The following ACOX3 variants were observed in gnomAD, a reference collection of about 807,000 sequenced individuals.
ACOX3 encodes the protein acyl-CoA oxidase 3, pristanoyl.
Under a neutral mutation model 81.5 loss-of-function variants are expected in ACOX3, and 73 were observed. The observed-to-expected ratio is 0.90, with a 90% confidence interval of 0.74 to 1.09. The LOEUF is 1.09. ACOX3 is among the 50% of genes least tolerant of loss of function. The pLI, the probability that ACOX3 is intolerant of heterozygous loss-of-function variation, is 0.00. For synonymous variants in ACOX3, 387 were observed against 375.1 expected (o/e 1.03, Z -0.37); for missense variants, 947 against 928.0 (o/e 1.02, Z -0.27).
At chr4:8,398,474 T>C (rs959695257) in intron 8 of ACOX3, among the ~76,000 whole-genome samples, 1 of 152,142 alleles carries the variant, frequency 6.6e-6, no homozygotes, top group Non-Finnish European at 1.5e-5. Flanking sequence ...TTCTCTAAAC[T>C]TCATTTCTTT....
At position 8,419,265 on chromosome 4, in the gene ACOX3, C is replaced by G. The variant is rs933159158; in HGVS notation, c.-14-2730G>C. 7.2e-5 allele frequency among the ~76,000 whole-genome samples: 11 copies of G among 151,812 alleles called. No individual in the cohort carries two copies. Among genetic ancestry groups the G allele is most frequent in the African/African-American group, 2.7e-4 (11 of 41,302 alleles). On this transcript the variant is annotated intron_variant, in intron 1 of 17. Coordinates refer to ENST00000356406, the MANE Select transcript of ACOX3 (RefSeq NM_003501.3). The surrounding 1 kb of genome is among the most constrained non-coding windows in gnomAD (Gnocchi z 4.2). ...CCTGGCCAACATGGTGAAACCTCAT[C>G]TCTACTAAAAATACAAAAAAATTAG...
At position 8,419,391 on chromosome 4, in the gene ACOX3, G is replaced by A. The variant is rs1018201360; in HGVS notation, c.-14-2856C>T. Among the ~76,000 whole-genome samples the A allele has an allele frequency of 1.3e-5, 2 of 151,122 alleles. No individual in the cohort carries two copies. The highest frequency in any genetic ancestry group is 2.9e-5 in the Non-Finnish European group (2 of 67,856). Reference sequence around the variant, plus strand: ...CAGAGATTGCAGTAGCCTAGATTGCGCCACTGCACTCCAGCCTGGGTGACA... The same window carrying A: ...CAGAGATTGCAGTAGCCTAGATTGCACCACTGCACTCCAGCCTGGGTGACA... On this transcript the variant is annotated intron_variant, in intron 1 of 17. Transcript: ENST00000356406. This position sits in a 1 kb window ranked among gnomAD's most constrained non-coding sequence, Gnocchi z 4.2.
rs1360688094 is a variant in ACOX3, at chr4:8,382,472, A to G, written c.1538-865T>C. ...TGAGGGAGGGGTGCAGACCACCCAC[A>G]TGTGGAGGCCACGCTCACACCCACC... On this transcript the variant is annotated intron_variant, in intron 13 of 17. Transcript: ENST00000356406. The surrounding 1 kb of genome is among the most constrained non-coding windows in gnomAD (Gnocchi z 4.1). 6.6e-6 allele frequency among the ~76,000 whole-genome samples: 1 copy of G among 152,098 alleles called. No individual in the cohort carries two copies. The highest frequency in any genetic ancestry group is 1.5e-5 in the Non-Finnish European group (1 of 68,000).
chr4:8,361,784 C>T (rs1234206660), downstream of ACOX3, among the ~76,000 whole-genome samples: 2 of 152,202 alleles, frequency 1.3e-5, no homozygotes, highest in African/African-American at 4.8e-5. Flanking sequence ...TTGACATCAA[C>T]AGTGCACTAA....
intron 7 of ACOX3, among the ~76,000 whole-genome samples, chr4:8,402,298 T>A (rs1241469627): frequency 6.6e-6 from 1 of 152,090 alleles, no homozygotes; most frequent in African/African-American, 2.4e-5. Flanking sequence ...CTGCAGGAAG[T>A]GAAGGGCAGC....
In ACOX3 at chr4:8,431,694, G is replaced by A. The variant is rs1165179651; in HGVS notation, c.-15+8954C>T. 6.6e-6 allele frequency among the ~76,000 whole-genome samples: 1 copy of A among 152,234 alleles called. No individual in the cohort carries two copies. Among genetic ancestry groups the A allele is most frequent in the African/African-American group, 2.4e-5 (1 of 41,466 alleles). On this transcript the variant is annotated intron_variant, in intron 1 of 17. Coordinates refer to ENST00000356406, the MANE Select transcript of ACOX3 (RefSeq NM_003501.3). This position sits in a 1 kb window ranked among gnomAD's most constrained non-coding sequence, Gnocchi z 5.3. Reference sequence around the variant, plus strand: ...AGTGTGAACAGTAGGGGTGGGGTGAGTGTCATCAGTAACTCAGTGGACAAT... The same window carrying A: ...AGTGTGAACAGTAGGGGTGGGGTGAATGTCATCAGTAACTCAGTGGACAAT...
intron 13 of ACOX3, among the ~76,000 whole-genome samples, chr4:8,383,112 C>T (rs967968484): frequency 6.6e-6 from 1 of 152,204 alleles, no homozygotes; most frequent in African/African-American, 2.4e-5. Context: ...CCGTCACAAA[C>T]CAGAGCAGGC....
At chr4:8,408,203 C>T (rs971057978) in intron 6 of ACOX3, among the ~76,000 whole-genome samples, 18 of 151,814 alleles carry the variant, frequency 1.2e-4, no homozygotes, top group African/African-American at 4.4e-4. Flanking sequence ...TGTAAACATC[C>T]TCTCCTTTTC....
chr4:8,359,942 C>G, the ACOX3 span, among the ~76,000 whole-genome samples: 1 of 152,216 alleles, frequency 6.6e-6, no homozygotes, highest in African/African-American at 2.4e-5. This position sits in a 1 kb window ranked among gnomAD's most constrained non-coding sequence, Gnocchi z 6.0. Context: ...TTCTGTATTG[C>G]TCTGTCATAA....
chr4:8,402,350 G>A (rs1720460519), intron 7 of ACOX3, among the ~76,000 whole-genome samples: 1 of 152,220 alleles, frequency 6.6e-6, no homozygotes, highest in Non-Finnish European at 1.5e-5. Flanking sequence ...CAGCTGCCCA[G>A]TTTGGTAGCA....
In ACOX3 at chr4:8,423,920, G is replaced by A. The variant is rs1229793018; in HGVS notation, c.-14-7385C>T. Reference sequence around the variant, plus strand: ...TCATACTTGGGCACTCTTGTCCTTCGGTATGCGGATGATTTACTTTTAGCC... The same window carrying A: ...TCATACTTGGGCACTCTTGTCCTTCAGTATGCGGATGATTTACTTTTAGCC... On this transcript the variant is annotated intron_variant, in intron 1 of 17. Coordinates refer to ENST00000356406, the MANE Select transcript of ACOX3 (RefSeq NM_003501.3). This position sits in a 1 kb window ranked among gnomAD's most constrained non-coding sequence, Gnocchi z 4.2. Among the ~76,000 whole-genome samples, 2 of 152,120 alleles carry A rather than the reference G, an allele frequency of 1.3e-5. No homozygotes were observed. The highest frequency in any genetic ancestry group is 1.3e-4 in the Admixed American group (2 of 15,266).
At position 8,423,758 on chromosome 4, in the gene ACOX3, C is replaced by A. The variant is rs1362929453; in HGVS notation, c.-14-7223G>T. Among the ~76,000 whole-genome samples the A allele has an allele frequency of 2.0e-5, 3 of 152,206 alleles. No homozygotes were observed. The highest frequency in any genetic ancestry group is 4.4e-5 in the Non-Finnish European group (3 of 68,036). ...GCCTTTTACTGCATCCCTGTACATC[C>A]TGACTCTCAATTCTTGCTTGCCTTT... On this transcript the variant is annotated intron_variant, in intron 1 of 17. Transcript: ENST00000356406. The surrounding 1 kb of genome is among the most constrained non-coding windows in gnomAD (Gnocchi z 4.2).
At chr4:8,377,774 G>A (rs1304525048) in intron 14 of ACOX3, among the ~76,000 whole-genome samples, 3 of 152,218 alleles carry the variant, frequency 2.0e-5, no homozygotes, top group African/African-American at 7.2e-5. Context: ...TGGGGCCCAG[G>A]AAGCATCCCA....
the ACOX3 span, chr4:8,356,668 T>C: frequency 5.6e-5 from 24 of 432,158 alleles, no homozygotes; most frequent in South Asian, 3.8e-4. Context: ...CACTAACCTG[T>C]TCCTGGCAGG....
In ACOX3 at chr4:8,430,474, T is replaced by C. The variant is rs1348875325; in HGVS notation, c.-15+10174A>G. On this transcript the variant is annotated intron_variant, in intron 1 of 17. Transcript: ENST00000356406. This position sits in a 1 kb window ranked among gnomAD's most constrained non-coding sequence, Gnocchi z 5.2. ...TGAGAGTAATAAAATAACCATTTAT[T>C]GCAGAACTCACACCTCCTTTAGGTC... is the stretch of plus-strand genomic sequence containing the variant. Among the ~76,000 whole-genome samples, 1 of 152,260 alleles carries C rather than the reference T, an allele frequency of 6.6e-6. No homozygotes were observed. The highest frequency in any genetic ancestry group is 1.5e-5 in the Non-Finnish European group (1 of 68,036).
At chr4:8,436,553 T>C (rs1220139531) in intron 1 of ACOX3, among the ~76,000 whole-genome samples, 2 of 152,208 alleles carry the variant, frequency 1.3e-5, no homozygotes, top group South Asian at 2.1e-4. Flanking sequence ...GCAGCAGTAC[T>C]AAGAGGCACT....
In ACOX3 at chr4:8,416,714, G is replaced by A. The variant is rs1055238122; in HGVS notation, c.-14-179C>T. On this transcript the variant is annotated intron_variant, in intron 1 of 17. Transcript: ENST00000356406. The surrounding 1 kb of genome is among the most constrained non-coding windows in gnomAD (Gnocchi z 4.2). ...GCATCATTTTCCCAGAAGAAAAGGC[G>A]AGAAGAATTCCCTCGTCCACTCCTG... 6.6e-6 allele frequency among the ~76,000 whole-genome samples: 1 copy of A among 152,264 alleles called. No homozygotes were observed. The highest frequency in any genetic ancestry group is 2.4e-5 in the African/African-American group (1 of 41,476).
At chr4:8,440,115 T>C (rs1724516704) in intron 1 of ACOX3, among the ~76,000 whole-genome samples, 1 of 152,268 alleles carries the variant, frequency 6.6e-6, no homozygotes, top group African/African-American at 2.4e-5. Flanking sequence ...CTGATTCATG[T>C]AGCCCCCAGT....
chr4:8,393,483 C>T (rs550098078), intron 10 of ACOX3, among the ~76,000 whole-genome samples: 3 of 100,200 alleles, frequency 3.0e-5, no homozygotes, highest in Admixed American at 8.7e-5. Flanking sequence ...AGCGAGACTC[C>T]GTCTCAAAAA....
Sources: allele counts gnomAD v4.1 joint callset (sites outside exome capture counted in the v4.1 genomes callset), GRCh38; gene constraint gnomAD v4.1.1; non-coding constraint Gnocchi (gnomAD v3.1); transcripts MANE v1.5; gene names NCBI Gene and HGNC (gene_info 2026-07-23, HGNC 2026-07-21).